MAP2K7: variants seen among roughly 807,000 people sequenced by gnomAD.
MAP2K7 encodes the protein mitogen-activated protein kinase kinase 7, also known as dual specificity mitogen-activated protein kinase kinase 7.
A neutral mutation model predicts 47.7 loss-of-function variants in MAP2K7; 12 were observed. The ratio of observed to expected loss-of-function variants is 0.25; its 90% CI spans 0.16 to 0.41. The LOEUF is 0.41. MAP2K7 is among the 10% of genes least tolerant of loss of function. MAP2K7 has a pLI of 1.00. For missense variants in MAP2K7, 415 were observed against 600.3 expected (o/e 0.69, Z 3.23); for synonymous variants, 299 against 243.0 (o/e 1.23, Z -2.14).
intron 1 of MAP2K7, 72 bp downstream of exon 1, chr19:7,904,140 AC>A: frequency 8.7e-7 from 1 of 1,155,138 alleles, no homozygotes; most frequent in Non-Finnish European, 1.1e-6. Flanking sequence ...CCCCGCCCCC[AC>A]CACAAGGCCC....
Position 7,903,949 on chromosome 19 carries a change from C to T in MAP2K7, c.5C>T (p.Ala2Val). The T allele has an allele frequency of 2.0e-6, 3 of 1,527,802 alleles. No individual in the cohort carries two copies. The highest frequency in any genetic ancestry group is 2.6e-5 in the East Asian group (1 of 37,872). 94.6% of individuals were successfully genotyped at this position (1,527,802 alleles called of 1,614,324 possible). MAASSLEQKLSR... is the reference protein window; with the variant it reads MVASSLEQKLSR... ...GCGGCGGTGGCGGCGGGGAAGATGGCGGCGTCCTCCCTGGAACAGAAGCTG... is the reference window on the plus strand; with the variant it reads ...GCGGCGGTGGCGGCGGGGAAGATGGTGGCGTCCTCCCTGGAACAGAAGCTG... The change falls in exon 1 of 11, where the codon GCG (alanine) becomes GTG (valine). Residue 2 changes from alanine (A) to valine (V), a missense_variant. Around this residue, in one of 3 missense-constraint regions of MAP2K7, gnomAD observed 115 missense variants for 126.2 expected, o/e 0.91. Transcript: ENST00000397979.
At chr19:7,911,918 G>C (rs1982900010) in intron 9 of MAP2K7, among the ~76,000 whole-genome samples, 2 of 152,260 alleles carry the variant, frequency 1.3e-5, no homozygotes, top group African/African-American at 2.4e-5. Context: ...GGGGACCTCA[G>C]CCAGCTCTGG....
rs370087443 is a variant in MAP2K7 at position 7,911,522 on chromosome 19, G to T, written c.1023G>T (p.Pro341=). The T allele has an allele frequency of 6.2e-7, 1 of 1,611,886 alleles. No individual in the cohort carries two copies. The change falls in exon 9 of 11, where the codon CCG becomes CCT. Residue 341 remains proline, a synonymous_variant. Transcript: ENST00000397979. ...CCAAAGTCCTACAGGAAGAGCCCCC[G>T]CTTCTGCCCGGACACATGGGCTTCT... The part of the protein sequence containing the change: ...VLTKVLQEEP[P]LLPGHMGFSG...
chr19:7,906,309 G>A (rs1982453621), intron 1 of MAP2K7: 1 of 167,198 alleles, frequency 6.0e-6, no homozygotes, highest in South Asian at 1.4e-4. Flanking sequence ...GAATAGAACA[G>A]ATGGAGCCCC....
At chr19:7,908,270 G>A (rs546086042) in intron 1 of MAP2K7, among the ~76,000 whole-genome samples, 4 of 152,040 alleles carry the variant, frequency 2.6e-5, no homozygotes, top group South Asian at 2.1e-4. Flanking sequence ...AGTCATGAAC[G>A]CTGGGCCTGG....
In MAP2K7 at chr19:7,910,988, G is replaced by C. The variant is rs765979119; in HGVS notation, c.684G>C (p.Lys228Asn). The C allele has an allele frequency of 1.2e-6, 2 of 1,608,682 alleles. No homozygotes were observed. The highest frequency in any genetic ancestry group is 3.3e-5 in the Admixed American group (2 of 59,878). ...ILGKMTVAIV[K>N]ALYYLKEKHG... ...CCTCTGCGTGCCTGCAGATTGTGAA[G>C]GCGCTGTACTACCTGAAGGAGAAGC... Residue 228 changes from lysine (K) to asparagine (N), a missense_variant, in exon 7 of 11, where the codon AAG (lysine) becomes AAC (asparagine). Transcript: ENST00000397979.
At chr19:7,910,959 C>G (rs772208154) in intron 6 of MAP2K7, 21 bp from the exon 7 acceptor site, 9 of 1,599,754 alleles carry the variant, frequency 5.6e-6, no homozygotes, top group Non-Finnish European at 7.7e-6. Context: ...GCCACATGCA[C>G]CCCCCTCTGC....
intron 1 of MAP2K7, among the ~76,000 whole-genome samples, chr19:7,908,920 C>T (rs1204583065): frequency 5.3e-5 from 8 of 152,094 alleles, no homozygotes; most frequent in South Asian, 2.1e-4. Flanking sequence ...CCCCTAATGC[C>T]GCCTGCCCAC....
intron 1 of MAP2K7, among the ~76,000 whole-genome samples, chr19:7,907,702 C>T (rs1243861833): frequency 1.3e-5 from 2 of 152,194 alleles, no homozygotes. Context: ...GGGCCACCCT[C>T]GGAAGGCCTG....
rs1402669377 is a variant in MAP2K7 at position 7,913,290 on chromosome 19, T to A, written c.*859T>A. On this transcript the variant is annotated 3_prime_UTR_variant, in exon 11 of 11. Coordinates refer to ENST00000397979, the MANE Select transcript of MAP2K7 (RefSeq NM_145185.4). ...CTCTGGGGTCTCCGGGGGCCACAGCTTGGGGTGAGTTGAAGACCTCAGGGG... is the reference window on the plus strand; with the variant it reads ...CTCTGGGGTCTCCGGGGGCCACAGCATGGGGTGAGTTGAAGACCTCAGGGG... 6.6e-6 allele frequency: 1 copy of A among 152,458 alleles called. No individual in the cohort carries two copies. Among genetic ancestry groups the A allele is most frequent in the East Asian group, 1.9e-4 (1 of 5,168 alleles). The allele number at this position is 152,458 out of a possible 1,614,324, so 9.4% of individuals were successfully genotyped here. A position where few individuals can be genotyped will look rare whatever the true frequency, so the allele number is the denominator to read the frequency against.
Position 7,910,542 on chromosome 19 carries a change from C to T in MAP2K7, c.537C>T (p.Ile179=), listed in dbSNP as rs55772368. The part of the protein sequence containing the change: ...VVLKSHDCPY[I]VQCFGTFITN... Reference sequence around the variant, plus strand: ...TGAAGAGCCACGACTGCCCCTACATCGTGCAGTGCTTTGGGACGTTCATCA... The same window carrying T: ...TGAAGAGCCACGACTGCCCCTACATTGTGCAGTGCTTTGGGACGTTCATCA... Residue 179 remains isoleucine, a synonymous_variant, in exon 5 of 11, where the codon ATC becomes ATT. Transcript: ENST00000397979. 1.7e-4 allele frequency: 267 copies of T among 1,613,646 alleles called. No homozygotes were observed. The highest frequency in any genetic ancestry group is 1.6e-3 in the African/African-American group (121 of 75,058).
chr19:7,912,107 C>G, intron 9 of MAP2K7, 42 bp from the exon 10 acceptor site: 1 of 1,600,916 alleles, frequency 6.2e-7, no homozygotes, highest in Admixed American at 1.7e-5. Context: ...GGCATCCCCT[C>G]CTCCCTCGTT....
In MAP2K7 at chr19:7,912,373, C is replaced by T; in HGVS notation, c.1202C>T (p.Thr401Ile). The T allele has an allele frequency of 6.2e-7, 1 of 1,613,252 alleles. No individual in the cohort carries two copies. The highest frequency in any genetic ancestry group is 1.1e-5 in the South Asian group (1 of 91,090). Residue 401 changes from threonine to isoleucine, a missense_variant, in exon 11 of 11, where the codon ACT becomes ATT. By Grantham distance (89) the Thr-to-Ile change is moderately conservative. Around this residue, in one of 3 missense-constraint regions of MAP2K7, gnomAD observed 94 missense variants for 105.2 expected, o/e 0.89. Coordinates refer to ENST00000397979, the MANE Select transcript of MAP2K7 (RefSeq NM_145185.4). ...TGGTTCAAGGATGTCATGGCGAAGA[C>T]TGAGTCACCGCGGACTAGCGGCGTC... ...ASWFKDVMAK[T>I]ESPRTSGVLS...
At position 7,911,237 on chromosome 19, in the gene MAP2K7, C is replaced by T. The variant is rs749702696; in HGVS notation, c.856-13C>T. The T allele has an allele frequency of 2.0e-6, 3 of 1,509,552 alleles. No individual in the cohort carries two copies. Among genetic ancestry groups the T allele is most frequent in the South Asian group, 1.1e-5 (1 of 87,132 alleles). 93.5% of individuals were successfully genotyped at this position (1,509,552 alleles called of 1,614,324 possible). A position where few individuals can be genotyped will look rare whatever the true frequency, so the allele number is the denominator to read the frequency against. On this transcript the variant is annotated splice_polypyrimidine_tract_variant and intron_variant, in intron 7 of 10. Coordinates refer to ENST00000397979, the MANE Select transcript of MAP2K7 (RefSeq NM_145185.4). ...CAGCCTTGGAGATACGTCTTCTCCT[C>T]CCCCCCCTGCAGCCCGAGCGCATTG...
chr19:7,905,896 A>AT (rs780230639), intron 1 of MAP2K7: 1 of 1,595,502 alleles, frequency 6.3e-7, no homozygotes, highest in Non-Finnish European at 8.6e-7. Context: ...CATCTGCACC[A>AT]TTGACCTAAC....
intron 9 of MAP2K7, 25 bp downstream of exon 9, chr19:7,911,603 G>C (rs1245801455): frequency 1.3e-6 from 2 of 1,562,316 alleles, no homozygotes; most frequent in South Asian, 1.1e-5. Flanking sequence ...CCACTTGGGA[G>C]GTCAGGGACA....
chr19:7,914,050 C>G lies in MAP2K7; in HGVS notation c.*1619C>G, dbSNP rs887775133. ...CTGCCGGGTGGGGGTGCCAACAGGC[C>G]TGGCCCTTTCCTCCCCTGCATCCAG... On this transcript the variant is annotated 3_prime_UTR_variant, in exon 11 of 11. Coordinates refer to ENST00000397979, the MANE Select transcript of MAP2K7 (RefSeq NM_145185.4). 5.1e-4 allele frequency: 78 copies of G among 152,246 alleles called. No individual in the cohort carries two copies. Among genetic ancestry groups the G allele is most frequent in the African/African-American group, 1.7e-3 (72 of 41,466 alleles). 9.4% of individuals were successfully genotyped at this position (152,246 alleles called of 1,614,324 possible).
intron 1 of MAP2K7, chr19:7,906,027 G>C: frequency 1.5e-6 from 1 of 664,948 alleles, no homozygotes; most frequent in South Asian, 1.7e-5. Context: ...GCCCAGCCCA[G>C]CCTCCTCTGC....
At position 7,909,889 on chromosome 19, in the gene MAP2K7, A is replaced by G. The variant is rs774579720; in HGVS notation, c.259A>G (p.Met87Val). ...LPSTLFTPRS[M>V]ESIEIDQKLQ... is the part of the protein sequence containing the mutation. ...GTCAACCCTGTTCACACCCCGCAGCATGGAGAGGTGAGCCAGGGGCCCAGC... is the reference window on the plus strand; with the variant it reads ...GTCAACCCTGTTCACACCCCGCAGCGTGGAGAGGTGAGCCAGGGGCCCAGC... The change falls in exon 2 of 11, where the codon ATG becomes GTG. Residue 87 changes from methionine to valine, a missense_variant. Around this residue, in one of 3 missense-constraint regions of MAP2K7, gnomAD observed 115 missense variants for 126.2 expected, o/e 0.91. Coordinates refer to ENST00000397979, the MANE Select transcript of MAP2K7 (RefSeq NM_145185.4). 5 of 1,520,078 alleles carry G rather than the reference A, an allele frequency of 3.3e-6. No homozygotes were observed. Among genetic ancestry groups the G allele is most frequent in the African/African-American group, 1.4e-5 (1 of 72,090 alleles). The allele number at this position is 1,520,078 out of a possible 1,614,324, so 94.2% of individuals were successfully genotyped here. A position where few individuals can be genotyped will look rare whatever the true frequency, so the allele number is the denominator to read the frequency against.
Sources: gnomAD v4.1 joint callset for allele counts (sites outside exome capture counted in the v4.1 genomes callset) on GRCh38, gnomAD v4.1.1 for gene constraint, gnomAD v4.1.1 regional missense constraint, MANE v1.5 for transcripts, NCBI Gene and HGNC (gene_info 2026-07-23, HGNC 2026-07-21) for gene names.